Variants in RSPO4 observed in about 807,000 individuals in gnomAD.
RSPO4 encodes the protein R-spondin 4, also known as R-spondin-4.
RSPO4 carries 23 observed loss-of-function variants against 24.8 expected under a neutral mutation model. That is an observed-to-expected ratio of 0.93 (90% CI 0.67 to 1.31). The LOEUF is 1.31. Ranked by LOEUF, RSPO4 falls within the 40% of genes most tolerant of loss-of-function variation. The pLI, the probability that RSPO4 is intolerant of heterozygous loss-of-function variation, is 0.00. For synonymous variants in RSPO4, 141 were observed against 127.4 expected (o/e 1.11, Z -0.72); for missense variants, 333 against 316.5 (o/e 1.05, Z -0.39).
chr20:965,916 TCAGAG>T (rs1176376708), intron 3 of RSPO4, among the ~76,000 whole-genome samples: 1 of 152,200 alleles, frequency 6.6e-6, no homozygotes, highest in Non-Finnish European at 1.5e-5. Flanking sequence ...GTAGATATTT[TCAGAG>T]TGAATAAATG....
At chr20:969,563 A>G (rs962435829) in intron 1 of RSPO4, among the ~76,000 whole-genome samples, 32 of 152,208 alleles carry the variant, frequency 2.1e-4, no homozygotes, top group African/African-American at 7.2e-4. Flanking sequence ...ACAGAAGGGC[A>G]GAGCTGAGGG....
intron 4 of RSPO4, among the ~76,000 whole-genome samples, chr20:962,532 GAACT>G (rs1264691452): frequency 2.0e-5 from 3 of 152,208 alleles, no homozygotes. Context: ...GAGTGCAGAA[GAACT>G]GTCTGCCTCC....
chr20:976,467 A>C (rs111823161), intron 1 of RSPO4, among the ~76,000 whole-genome samples: 3,059 of 152,332 alleles, frequency 0.02, 41 homozygotes, highest in South Asian at 0.034. Flanking sequence ...GTGCCCTTCA[A>C]ATAAGGGTCC....
At chr20:973,672 C>T (rs887436588) in intron 1 of RSPO4, among the ~76,000 whole-genome samples, 3 of 152,134 alleles carry the variant, frequency 2.0e-5, no homozygotes, top group African/African-American at 7.2e-5. Context: ...GACGGGGTTT[C>T]GCCATGTTGG....
chr20:987,431 C>T (rs1296215105), intron 1 of RSPO4, among the ~76,000 whole-genome samples: 1 of 152,146 alleles, frequency 6.6e-6, no homozygotes, highest in Non-Finnish European at 1.5e-5. Context: ...AACCTGTTCT[C>T]AAATCCCAGC....
chr20:967,218 C>T lies in RSPO4; in HGVS notation c.365G>A (p.Cys122Tyr). The T allele has an allele frequency of 6.2e-7, 1 of 1,614,140 alleles. No individual in the cohort carries two copies. Among genetic ancestry groups the T allele is most frequent in the Non-Finnish European group, 8.5e-7 (1 of 1,180,030 alleles). Reference sequence around the variant, plus strand: ...CTGGTGGGCCAAAGTGCCCGGCGGGCAGGTGGGCAGACACTTCCCCTTGTA... The same window carrying T: ...CTGGTGGGCCAAAGTGCCCGGCGGGTAGGTGGGCAGACACTTCCCCTTGTA... ...YLYKGKCLPT[C>Y]PPGTLAHQNT... Residue 122 changes from cysteine (C) to tyrosine (Y), a missense_variant, in exon 3 of 5, where the codon TGC (cysteine) becomes TAC (tyrosine). Physicochemically the swap from Cys to Tyr is radical, Grantham distance 194. Transcript: ENST00000217260.
chr20:962,457 C>G (rs752261101), intron 4 of RSPO4, among the ~76,000 whole-genome samples: 2 of 152,132 alleles, frequency 1.3e-5, no homozygotes, highest in Non-Finnish European at 2.9e-5. Flanking sequence ...AAGCTTTCCC[C>G]TCATGATTCC....
intron 1 of RSPO4, among the ~76,000 whole-genome samples, chr20:980,271 C>G (rs1476714227): frequency 1.3e-5 from 2 of 152,188 alleles, no homozygotes; most frequent in South Asian, 2.1e-4. Flanking sequence ...TCAACATATC[C>G]CTGTGCGCCT....
chr20:995,238 CAAG>C (rs1985237715), intron 1 of RSPO4, among the ~76,000 whole-genome samples: 1 of 152,166 alleles, frequency 6.6e-6, no homozygotes. Flanking sequence ...GCTACACAAA[CAAG>C]AAGGTGGTTA....
rs1568910278 is a variant in RSPO4, at chr20:968,116, G to A, written c.102C>T (p.Asn34=). ...CTGAGCAGATGATACAGCCTGTGCAGTTGCCCCCCAGGCCAGTGCCCACTG... is the reference window on the plus strand; with the variant it reads ...CTGAGCAGATGATACAGCCTGTGCAATTGCCCCCCAGGCCAGTGCCCACTG... ...KKQVGTGLGG[N]CTGCIICSEE... is the part of the protein sequence containing the mutation. Residue 34 remains asparagine (N), a synonymous_variant, in exon 2 of 5, where the codon AAC becomes AAT. Transcript: ENST00000217260. 1 of 1,614,146 alleles carries A rather than the reference G, an allele frequency of 6.2e-7. No individual in the cohort carries two copies. Among genetic ancestry groups the A allele is most frequent in the East Asian group, 2.2e-5 (1 of 44,880 alleles).
chr20:990,017 T>C (rs534182077), intron 1 of RSPO4, among the ~76,000 whole-genome samples: 32 of 152,236 alleles, frequency 2.1e-4, no homozygotes, highest in Admixed American at 4.6e-4. Flanking sequence ...CTACACTTAC[T>C]CCATTGGCAG....
chr20:986,566 T>C (rs1984928383), intron 1 of RSPO4, among the ~76,000 whole-genome samples: 1 of 148,608 alleles, frequency 6.7e-6, no homozygotes, highest in South Asian at 2.1e-4. Flanking sequence ...GACTAGGCTT[T>C]TTAATAGCTG....
rs1600085726 is a variant in RSPO4 at position 960,120 on chromosome 20, G to A, written c.*237C>T. Reference sequence around the variant, plus strand: ...ATAAAAGATAAGTGAGAAAGAAGAGGAAGGAAGGGAAGGAGGGAGGGAGAA... The same window carrying A: ...ATAAAAGATAAGTGAGAAAGAAGAGAAAGGAAGGGAAGGAGGGAGGGAGAA... On this transcript the variant is annotated 3_prime_UTR_variant, in exon 5 of 5. Transcript: ENST00000217260. The A allele has an allele frequency of 1.7e-6, 1 of 578,698 alleles. No individual in the cohort carries two copies. Among genetic ancestry groups the A allele is most frequent in the African/African-American group, 1.9e-5 (1 of 53,240 alleles). The allele number at this position is 578,698 out of a possible 1,614,324, so 35.8% of individuals were successfully genotyped here. A position where few individuals can be genotyped will look rare whatever the true frequency, so the allele number is the denominator to read the frequency against.
chr20:963,678 G>A (rs1403160338), intron 4 of RSPO4, among the ~76,000 whole-genome samples: 4 of 152,174 alleles, frequency 2.6e-5, no homozygotes, highest in African/African-American at 9.7e-5. Context: ...CTTATTAAAA[G>A]GGGGGTGTTC....
At chr20:960,766 A>G (rs753065536) in intron 4 of RSPO4, among the ~76,000 whole-genome samples, 3 of 152,166 alleles carry the variant, frequency 2.0e-5, no homozygotes, top group Non-Finnish European at 2.9e-5. Flanking sequence ...GGGCCCCCCA[A>G]TCAGCATGTC....
chr20:997,302 G>C (rs1392172765), intron 1 of RSPO4, among the ~76,000 whole-genome samples: 4 of 152,134 alleles, frequency 2.6e-5, no homozygotes, highest in Non-Finnish European at 4.4e-5. Flanking sequence ...GGCCCCCCGT[G>C]GTGGGGCAAT....
chr20:976,980 C>T (rs893369565), intron 1 of RSPO4, among the ~76,000 whole-genome samples: 3 of 152,132 alleles, frequency 2.0e-5, no homozygotes, highest in South Asian at 2.1e-4. Flanking sequence ...GGCATATGTT[C>T]CCCAGGTTAC....
intron 1 of RSPO4, among the ~76,000 whole-genome samples, chr20:995,122 A>G (rs1568932824): frequency 6.6e-6 from 1 of 152,126 alleles, no homozygotes; most frequent in South Asian, 2.1e-4. Context: ...ATTGGTCTCA[A>G]AGGTCTCACT....
chr20:970,705 A>G lies in RSPO4; in HGVS notation c.80-2567T>C, dbSNP rs1359737638. Among the ~76,000 whole-genome samples, 1 of 152,216 alleles carries G rather than the reference A, an allele frequency of 6.6e-6. No homozygotes were observed. The highest frequency in any genetic ancestry group is 1.5e-5 in the Non-Finnish European group (1 of 68,024). Reference sequence around the variant, plus strand: ...CTCAGCAAAAGATTCAGATTCTGATACTACCCAGAGCTGGCAAGAATGAGA... The same window carrying G: ...CTCAGCAAAAGATTCAGATTCTGATGCTACCCAGAGCTGGCAAGAATGAGA... On this transcript the variant is annotated intron_variant, in intron 1 of 4. Transcript: ENST00000217260. This position sits in a 1 kb window ranked among gnomAD's most constrained non-coding sequence, Gnocchi z 4.1.
Sources: gnomAD v4.1 joint callset for allele counts (sites outside exome capture counted in the v4.1 genomes callset) on GRCh38, gnomAD v4.1.1 for gene constraint, Gnocchi (gnomAD v3.1) non-coding constraint, MANE v1.5 for transcripts, NCBI Gene and HGNC (gene_info 2026-07-23, HGNC 2026-07-21) for gene names.